The following GATAD2A variants were observed in gnomAD, a reference collection of about 807,000 sequenced individuals.
GATAD2A encodes transcriptional repressor p66-alpha.
GATAD2A carries 12 observed loss-of-function variants against 68.5 expected under a neutral mutation model. That is an observed-to-expected ratio of 0.18 (90% CI 0.11 to 0.28). The LOEUF is 0.28. Among genes scored for constraint, GATAD2A ranks in the 10% least tolerant of loss-of-function variants. GATAD2A has a pLI of 1.00. For missense variants in GATAD2A, 755 were observed against 868.5 expected, an observed-to-expected ratio of 0.87 and a Z score of 1.64; for synonymous variants, 410 against 375.3, an observed-to-expected ratio of 1.09 and a Z score of -1.07.
Position 19,465,621 on chromosome 19 carries a change from G to T in GATAD2A, c.269+7G>T. 1 of 1,599,762 alleles carries T rather than the reference G, an allele frequency of 6.3e-7. No homozygotes were observed. The highest frequency in any genetic ancestry group is 2.3e-5 in the East Asian group (1 of 44,226). ...ACATGCGCACCTCACACAGGTGAGT[G>T]GGAGGAGCCAGCGGGAGGGGCTGGA... is the stretch of plus-strand genomic sequence containing the variant. On this transcript the variant is annotated splice_region_variant and intron_variant, in intron 2 of 11. Transcript: ENST00000683918.
chr19:19,406,480 A>C (rs1349275148), intron 1 of GATAD2A, among the ~76,000 whole-genome samples: 3 of 149,710 alleles, frequency 2.0e-5, no homozygotes, highest in Non-Finnish European at 4.4e-5. Context: ...GCGGCGGCGG[A>C]TCCCGTGTCA....
chr19:19,502,668 C>G lies in GATAD2A; in HGVS notation c.1774+142C>G, dbSNP rs145819490. The stretch of plus-strand genomic sequence containing the variant: ...CAGCCTCCTCGGACTCTGGCTTTCC[C>G]TCTTGCCCCTAACCAGGATACCCTG... On this transcript the variant is annotated intron_variant, in intron 11 of 11. Coordinates refer to ENST00000683918, the MANE Select transcript of GATAD2A (RefSeq NM_001384528.1). The G allele has an allele frequency of 6.2e-4, 406 of 652,784 alleles. 1 individual carries two copies. The highest frequency in any genetic ancestry group is 1.0e-3 in the East Asian group (38 of 36,426). 40.4% of individuals were successfully genotyped at this position (652,784 alleles called of 1,614,324 possible).
At chr19:19,401,769 T>G (rs1464609646), upstream of GATAD2A, among the ~76,000 whole-genome samples, 1 of 152,134 alleles carries the variant, frequency 6.6e-6, no homozygotes, top group Non-Finnish European at 1.5e-5. Flanking sequence ...GACAGTACCT[T>G]GAACATTCAG....
intron 1 of GATAD2A, among the ~76,000 whole-genome samples, chr19:19,452,833 A>G (rs1656963576): frequency 6.6e-6 from 1 of 152,182 alleles, no homozygotes; most frequent in South Asian, 2.1e-4. Context: ...AGAGTGGGAC[A>G]GTCGTGTATG....
chr19:19,505,663 G>A lies in GATAD2A; in HGVS notation c.*189G>A. ...AAAGTTTCATCAGGGCTAGGGGGCTGGTGCCGCCTCATAGGCAGACGAGGA... is the reference window on the plus strand; with the variant it reads ...AAAGTTTCATCAGGGCTAGGGGGCTAGTGCCGCCTCATAGGCAGACGAGGA... On this transcript the variant is annotated 3_prime_UTR_variant, in exon 12 of 12. Coordinates refer to ENST00000683918, the MANE Select transcript of GATAD2A (RefSeq NM_001384528.1). 1.9e-6 allele frequency: 1 copy of A among 528,606 alleles called. No individual in the cohort carries two copies. The highest frequency in any genetic ancestry group is 3.2e-6 in the Non-Finnish European group (1 of 308,128). 32.7% of individuals were successfully genotyped at this position (528,606 alleles called of 1,614,324 possible).
At chr19:19,482,119 A>G (rs551693395) in intron 2 of GATAD2A, among the ~76,000 whole-genome samples, 8 of 151,390 alleles carry the variant, frequency 5.3e-5, no homozygotes, top group Admixed American at 3.3e-4. Flanking sequence ...AAAAAATAAA[A>G]TATGACCGAG....
chr19:19,395,259 T>C (rs1296004106), intron 1 of GATAD2A, among the ~76,000 whole-genome samples: 2 of 152,054 alleles, frequency 1.3e-5, no homozygotes, highest in Admixed American at 6.6e-5. Context: ...GTTTGAGACC[T>C]GCCTGGCCAA....
At chr19:19,398,932 G>A (rs992547512) in intron 1 of GATAD2A, among the ~76,000 whole-genome samples, 2 of 152,116 alleles carry the variant, frequency 1.3e-5, no homozygotes, top group African/African-American at 2.4e-5. Context: ...AGTGGCGGGC[G>A]CCTGTAATCC....
chr19:19,473,118 A>G (rs1015208524), intron 2 of GATAD2A, among the ~76,000 whole-genome samples: 10 of 152,112 alleles, frequency 6.6e-5, no homozygotes, highest in African/African-American at 1.9e-4. Context: ...ATATCTGGCA[A>G]GTTGTCCCCG....
At chr19:19,490,657 G>A (rs1297623846) in intron 2 of GATAD2A, among the ~76,000 whole-genome samples, 3 of 152,088 alleles carry the variant, frequency 2.0e-5, no homozygotes, top group Admixed American at 6.6e-5. Flanking sequence ...CGAGGCGGGC[G>A]GATCATCTGA....
intron 1 of GATAD2A, among the ~76,000 whole-genome samples, chr19:19,422,506 A>T (rs1159654309): frequency 6.6e-6 from 1 of 152,106 alleles, no homozygotes; most frequent in Non-Finnish European, 1.5e-5. Flanking sequence ...GACTTCAGGG[A>T]GGCATTGCTT....
intron 1 of GATAD2A, among the ~76,000 whole-genome samples, chr19:19,406,246 G>GGGCGA (rs1039060905): frequency 2.3e-5 from 1 of 44,384 alleles, no homozygotes; most frequent in African/African-American, 9.3e-4. Context: ...CGTGGGGGCC[G>GGGCGA]GGCGGGGGTC....
intron 1 of GATAD2A, among the ~76,000 whole-genome samples, chr19:19,437,484 A>C (rs1049983411): frequency 1.3e-5 from 2 of 152,234 alleles, no homozygotes; most frequent in African/African-American, 4.8e-5. Context: ...TGTGCAATTC[A>C]GTTTTTTATA....
At chr19:19,430,731 A>G (rs2053629202) in intron 1 of GATAD2A, among the ~76,000 whole-genome samples, 2 of 152,092 alleles carry the variant, frequency 1.3e-5, no homozygotes, top group Non-Finnish European at 2.9e-5. Context: ...TGGGTGCCGC[A>G]ACCCCAGCAA....
chr19:19,465,978 C>G (rs1435457038), intron 2 of GATAD2A, among the ~76,000 whole-genome samples: 1 of 152,322 alleles, frequency 6.6e-6, no homozygotes, highest in African/African-American at 2.4e-5. Flanking sequence ...CCCTGCTTTT[C>G]AGATCTAGAG....
At chr19:19,402,917 C>T (rs1320758187), upstream of GATAD2A, among the ~76,000 whole-genome samples, 2 of 151,572 alleles carry the variant, frequency 1.3e-5, no homozygotes, top group African/African-American at 2.4e-5. Context: ...GGATTACAGG[C>T]GTGCACCACC....
rs961592012 is a variant in GATAD2A at position 19,494,400 on chromosome 19, C to T, written c.624+17C>T. ...TCACTCCAGGTCAGTGTCCTTTCTG[C>T]GTCTCACTGGGTGCCCTGCTGGCAC... On this transcript the variant is annotated intron_variant, in intron 5 of 11. Transcript: ENST00000683918. 16 of 1,496,780 alleles carry T rather than the reference C, an allele frequency of 1.1e-5. No homozygotes were observed. The Admixed American group carries it at 1.2e-4, about 11-fold the overall frequency. The allele number at this position is 1,496,780 out of a possible 1,614,324, so 92.7% of individuals were successfully genotyped here.
At chr19:19,487,951 G>T (rs2059549844) in intron 2 of GATAD2A, among the ~76,000 whole-genome samples, 1 of 152,178 alleles carries the variant, frequency 6.6e-6, no homozygotes, top group Non-Finnish European at 1.5e-5. Flanking sequence ...ATGGTTCTGT[G>T]GCTGGAGAAG....
At chr19:19,425,136 G>T (rs984250152) in intron 1 of GATAD2A, among the ~76,000 whole-genome samples, 2 of 151,834 alleles carry the variant, frequency 1.3e-5, no homozygotes, top group Non-Finnish European at 1.5e-5. Context: ...TTTATTTCTT[G>T]GCATTAAGTG....
Sources: gnomAD v4.1 joint callset for allele counts (sites outside exome capture counted in the v4.1 genomes callset) on GRCh38, gnomAD v4.1.1 for gene constraint, MANE v1.5 for transcripts, NCBI Gene and HGNC (gene_info 2026-07-23, HGNC 2026-07-21) for gene names.